The following GARNL3 variants were observed in gnomAD, a reference collection of about 807,000 sequenced individuals.
GARNL3 encodes GTPase-activating Rap/Ran-GAP domain-like protein 3.
GARNL3 carries 63 observed loss-of-function variants against 125.0 expected under a neutral mutation model. The ratio of observed to expected loss-of-function variants is 0.50; its 90% CI spans 0.41 to 0.62. GARNL3 has a LOEUF of 0.62. Among genes scored for constraint, GARNL3 ranks in the 20% least tolerant of loss-of-function variants. The pLI is 0.00. For missense variants in GARNL3, 994 were observed against 1,244.0 expected (o/e 0.80, Z 3.02); for synonymous variants, 439 against 457.5 (o/e 0.96, Z 0.52).
chr9:127,352,376 T>C (rs1830463523), intron 17 of GARNL3, among the ~76,000 whole-genome samples: 1 of 152,174 alleles, frequency 6.6e-6, no homozygotes, highest in African/African-American at 2.4e-5. Flanking sequence ...AAGCCCTTAG[T>C]ATATGTTACC....
chr9:127,268,323 A>G (rs1189730418), intron 1 of GARNL3, among the ~76,000 whole-genome samples: 1 of 152,174 alleles, frequency 6.6e-6, no homozygotes, highest in Non-Finnish European at 1.5e-5. Flanking sequence ...CACTGAAAGG[A>G]TATGGGTGAA....
chr9:127,226,794 A>ACG (rs2062921529), intron 1 of GARNL3, among the ~76,000 whole-genome samples: 1 of 152,254 alleles, frequency 6.6e-6, no homozygotes, highest in Non-Finnish European at 1.5e-5. Context: ...CAGACAGATA[A>ACG]CGGTCTCTGT....
chr9:127,225,371 G>GC, intron 1 of GARNL3: 1 of 984,972 alleles, frequency 1.0e-6, no homozygotes, highest in Non-Finnish European at 1.2e-6. Flanking sequence ...GGGCGGCGCT[G>GC]CGGCGCAGGG....
In GARNL3 at chr9:127,325,056, C is replaced by A; in HGVS notation, c.568-13C>A. ...TTATGCCTGGATGTAACTTTTAAAA[C>A]TTTATTTGACAGGACTTGCTGGTTC... On this transcript the variant is annotated splice_polypyrimidine_tract_variant and intron_variant, in intron 6 of 27. Coordinates refer to ENST00000373387, the MANE Select transcript of GARNL3 (RefSeq NM_032293.5). 1 of 1,612,730 alleles carries A rather than the reference C, an allele frequency of 6.2e-7. No homozygotes were observed.
chr9:127,351,655 G>A (rs1004843094), intron 17 of GARNL3, among the ~76,000 whole-genome samples: 4 of 152,022 alleles, frequency 2.6e-5, no homozygotes, highest in Non-Finnish European at 4.4e-5. Flanking sequence ...TATCCCATTA[G>A]CCTTTGCTTA....
At chr9:127,325,019 A>AAAT in intron 6 of GARNL3, 50 bp from the exon 7 acceptor site, 1 of 1,567,520 alleles carries the variant, frequency 6.4e-7, no homozygotes, top group South Asian at 1.1e-5. Context: ...AGTCAAAATG[A>AAAT]AATAATTACT....
At chr9:127,250,356 T>G (rs907809499) in intron 2 of GARNL3, among the ~76,000 whole-genome samples, 2 of 152,206 alleles carry the variant, frequency 1.3e-5, no homozygotes, top group African/African-American at 4.8e-5. Flanking sequence ...CATACACGTT[T>G]CAAAAGCAAC....
At chr9:127,291,780 A>G (rs549761400) in intron 2 of GARNL3, among the ~76,000 whole-genome samples, 27 of 109,762 alleles carry the variant, frequency 2.5e-4, no homozygotes, top group African/African-American at 9.8e-4. Context: ...CACGGGGTCT[A>G]CCCTTTAAAC....
intron 1 of GARNL3, among the ~76,000 whole-genome samples, chr9:127,267,808 AC>A (rs2063735793): frequency 6.6e-6 from 1 of 152,300 alleles, no homozygotes; most frequent in South Asian, 2.1e-4. Context: ...ATTGTTGGGA[AC>A]CCAATAAGTG....
chr9:127,272,001 A>G (rs565949707), intron 1 of GARNL3, among the ~76,000 whole-genome samples: 1 of 150,528 alleles, frequency 6.6e-6, no homozygotes, highest in South Asian at 2.1e-4. Flanking sequence ...AACTCAGGGT[A>G]GCCTCAAAGG....
At chr9:127,293,081 C>G (rs1015401306) in intron 2 of GARNL3, among the ~76,000 whole-genome samples, 1 of 152,086 alleles carries the variant, frequency 6.6e-6, no homozygotes, top group Non-Finnish European at 1.5e-5. Context: ...CATTGGAGCA[C>G]CTTGGCTGTT....
At chr9:127,332,903 G>T in intron 8 of GARNL3, 120 bp from the exon 9 acceptor site, 1 of 734,656 alleles carries the variant, frequency 1.4e-6, no homozygotes, top group Non-Finnish European at 2.5e-6. Flanking sequence ...ACTTACCCAT[G>T]CTGTTTACCA....
chr9:127,322,981 C>T (rs965077167), intron 6 of GARNL3, among the ~76,000 whole-genome samples: 1 of 152,098 alleles, frequency 6.6e-6, no homozygotes, highest in African/African-American at 2.4e-5. Flanking sequence ...GATATGTTTC[C>T]TAAATGACCA....
intron 16 of GARNL3, 131 bp from the exon 17 acceptor site, chr9:127,348,793 T>C: frequency 1.7e-6 from 1 of 592,698 alleles, no homozygotes. Context: ...ACCCCAGGGT[T>C]TGGAGTGACT....
chr9:127,343,580 T>G (rs537913802), intron 14 of GARNL3, among the ~76,000 whole-genome samples: 1 of 152,226 alleles, frequency 6.6e-6, no homozygotes, highest in East Asian at 1.9e-4. Flanking sequence ...GGATAGAGAC[T>G]ATGTCTATCA....
chr9:127,387,481 C>G (rs4836562), intron 25 of GARNL3, 150 bp downstream of exon 25: 416,602 of 763,136 alleles, frequency 0.55, 116,955 homozygotes, highest in South Asian at 0.66. Context: ...GGTGGCTCAC[C>G]CCTATAATCC....
intron 2 of GARNL3, among the ~76,000 whole-genome samples, chr9:127,308,988 C>T (rs1292374138): frequency 1.3e-5 from 2 of 152,218 alleles, no homozygotes; most frequent in East Asian, 1.9e-4. Flanking sequence ...TTACACTGCT[C>T]TTATTCTTGC....
chr9:127,255,852 A>G (rs1199961604), intron 2 of GARNL3, among the ~76,000 whole-genome samples: 1 of 152,350 alleles, frequency 6.6e-6, no homozygotes, highest in East Asian at 1.9e-4. Flanking sequence ...CAGAATCACA[A>G]TGACCTTGGT....
chr9:127,322,578 T>C lies in GARNL3; in HGVS notation c.567+1800T>C, dbSNP rs145185145. The stretch of plus-strand genomic sequence containing the variant: ...CCCTTGTCCTCTGTGTGTGTGAGTG[T>C]GCATGTGTGTGTGAATTTGCACATG... On this transcript the variant is annotated intron_variant, in intron 6 of 27. Transcript: ENST00000373387. Among the ~76,000 whole-genome samples, 105 of 152,308 alleles carry C rather than the reference T, an allele frequency of 6.9e-4. No individual in the cohort carries two copies. In the East Asian group the frequency reaches 0.015, roughly 22 times the overall value.
Sources: gnomAD v4.1 joint callset for allele counts (sites outside exome capture counted in the v4.1 genomes callset) on GRCh38, gnomAD v4.1.1 for gene constraint, MANE v1.5 for transcripts, NCBI Gene and HGNC (gene_info 2026-07-23, HGNC 2026-07-21) for gene names.